The following NECTIN3 variants were observed in gnomAD, a reference collection of about 807,000 sequenced individuals.
The protein encoded by NECTIN3 is nectin cell adhesion molecule 3, also known as nectin-3.
NECTIN3 carries 8 observed loss-of-function variants against 49.4 expected under a neutral mutation model. The observed-to-expected ratio is 0.16, with a 90% CI of 0.10 to 0.29. NECTIN3 has a LOEUF of 0.29. Ranked by LOEUF, NECTIN3 falls within the 10% of genes least tolerant of loss-of-function variation. NECTIN3 has a pLI of 1.00. For synonymous variants in NECTIN3, 277 were observed against 241.1 expected, an observed-to-expected ratio of 1.15 and a Z score of -1.38; for missense variants, 581 against 654.6, an observed-to-expected ratio of 0.89 and a Z score of 1.23.
chr3:111,094,237 G>A (rs1576089513), intron 1 of NECTIN3, among the ~76,000 whole-genome samples: 1 of 151,162 alleles, frequency 6.6e-6, no homozygotes, highest in Admixed American at 6.6e-5. Context: ...TTTATTTTAT[G>A]TCTATTGACT....
At chr3:111,157,960 C>A (rs989767457) in intron 7 of NECTIN3, among the ~76,000 whole-genome samples, 15 of 152,184 alleles carry the variant, frequency 9.9e-5, no homozygotes, top group African/African-American at 3.6e-4. Flanking sequence ...GAGTAACCAA[C>A]ACTATTCTGT....
chr3:111,128,774 C>T (rs969580184), intron 5 of NECTIN3, among the ~76,000 whole-genome samples: 5 of 152,320 alleles, frequency 3.3e-5, no homozygotes, highest in East Asian at 1.9e-4. Context: ...ACTACTACTA[C>T]ACTAGTCTAA....
chr3:111,165,049 T>C (rs2035291054), intron 7 of NECTIN3, among the ~76,000 whole-genome samples: 1 of 152,048 alleles, frequency 6.6e-6, no homozygotes, highest in Non-Finnish European at 1.5e-5. Context: ...ATTTTTTATT[T>C]ATTTATTTAT....
At chr3:111,087,361 GA>G (rs2031991378) in intron 1 of NECTIN3, among the ~76,000 whole-genome samples, 1 of 152,086 alleles carries the variant, frequency 6.6e-6, no homozygotes, top group East Asian at 1.9e-4. Context: ...AAAAAAAATA[GA>G]AGATGCCAGG....
intron 7 of NECTIN3, among the ~76,000 whole-genome samples, chr3:111,155,750 G>A (rs2035084038): frequency 6.6e-6 from 1 of 152,092 alleles, no homozygotes; most frequent in Non-Finnish European, 1.5e-5. Flanking sequence ...TCTATATATG[G>A]ACTTTTGAGA....
chr3:111,157,437 A>C (rs2035119934), intron 7 of NECTIN3, among the ~76,000 whole-genome samples: 1 of 152,102 alleles, frequency 6.6e-6, no homozygotes, highest in Non-Finnish European at 1.5e-5. Flanking sequence ...GAGTTCATTT[A>C]ACATTTCTAT....
chr3:111,146,071 T>C (rs1314012334), intron 6 of NECTIN3, among the ~76,000 whole-genome samples: 2 of 152,212 alleles, frequency 1.3e-5, no homozygotes, highest in African/African-American at 4.8e-5. Flanking sequence ...AAAACAATTA[T>C]TTTAAATAAA....
In NECTIN3 at chr3:111,135,451, A is replaced by T. The variant is rs771982334; in HGVS notation, c.*1236A>T. The T allele has an allele frequency of 3.4e-5, 32 of 941,176 alleles. No individual in the cohort carries two copies. Among genetic ancestry groups the T allele is most frequent in the Non-Finnish European group, 3.9e-5 (31 of 789,958 alleles). The allele number at this position is 941,176 out of a possible 1,614,324, so 58.3% of individuals were successfully genotyped here. On this transcript the variant is annotated 3_prime_UTR_variant, in exon 6 of 6. Coordinates refer to ENST00000485303, the MANE Select transcript of NECTIN3 (RefSeq NM_015480.3). ...CTGAATCATTTATCTTTTGAGAAAG[A>T]AATGTTACCTAAACTTCAAATGTGC...
chr3:111,184,768 T>A (rs2035689841), intron 7 of NECTIN3, among the ~76,000 whole-genome samples: 1 of 152,346 alleles, frequency 6.6e-6, no homozygotes, highest in South Asian at 2.1e-4. Context: ...TATTTCTTAA[T>A]AAGAATTCAG....
chr3:111,193,255 A>G, intron 1 of NECTIN3: 3 of 1,535,126 alleles, frequency 2.0e-6, no homozygotes, highest in Non-Finnish European at 2.6e-6. Context: ...GTTGGGGAAG[A>G]TGGCATTCAG....
rs551948805 is a variant in NECTIN3, at chr3:111,182,181, T to A, written c.1222-10170T>A. On this transcript the variant is annotated intron_variant, in intron 7 of 8. Coordinates refer to the NECTIN3 transcript ENST00000493615. ...TATTTATTTTTCGTTAATTTTTTTA[T>A]GGTTAGAAAATATATCTGTTTCACT... 2.0e-5 allele frequency among the ~76,000 whole-genome samples: 3 copies of A among 152,268 alleles called. No individual in the cohort carries two copies. In the South Asian group the frequency reaches 6.2e-4, roughly 32 times the overall value.
intron 2 of NECTIN3, among the ~76,000 whole-genome samples, chr3:111,117,797 G>A (rs946543001): frequency 6.6e-6 from 1 of 151,998 alleles, no homozygotes; most frequent in Non-Finnish European, 1.5e-5. Context: ...TTACACAGAA[G>A]CACCTAACAA....
Position 111,134,313 on chromosome 3 carries a change from T to C in NECTIN3, c.*98T>C. On this transcript the variant is annotated 3_prime_UTR_variant, in exon 6 of 6. Transcript: ENST00000485303. ...TTTTTCTTGAGGAAGAATAAGCTTT[T>C]TCAAGTTGATTTTCAAGCTTACTTT... 1.4e-6 allele frequency: 2 copies of C among 1,462,896 alleles called. No homozygotes were observed. The highest frequency in any genetic ancestry group is 2.7e-5 in the Admixed American group (1 of 37,510). 90.6% of individuals were successfully genotyped at this position (1,462,896 alleles called of 1,614,324 possible). A position where few individuals can be genotyped will look rare whatever the true frequency, so the allele number is the denominator to read the frequency against.
At chr3:111,159,311 T>A (rs1381174093) in intron 7 of NECTIN3, among the ~76,000 whole-genome samples, 2 of 152,194 alleles carry the variant, frequency 1.3e-5, no homozygotes, top group African/African-American at 4.8e-5. Flanking sequence ...CCCATTATAG[T>A]TCTTGTATAC....
chr3:111,130,640 G>A (rs1005813922), intron 5 of NECTIN3, among the ~76,000 whole-genome samples: 3 of 152,120 alleles, frequency 2.0e-5, no homozygotes, highest in African/African-American at 7.2e-5. Flanking sequence ...AACAGAATAA[G>A]CAACTCTGAG....
chr3:111,119,911 G>T (rs903191873), intron 3 of NECTIN3, among the ~76,000 whole-genome samples: 2 of 152,116 alleles, frequency 1.3e-5, no homozygotes, highest in African/African-American at 4.8e-5. Flanking sequence ...CATGCATGGA[G>T]TTTTAAATTA....
chr3:111,108,137 A>G (rs184531024), intron 1 of NECTIN3, among the ~76,000 whole-genome samples: 249 of 152,310 alleles, frequency 1.6e-3, no homozygotes, highest in African/African-American at 5.6e-3. Context: ...AGAAATTAAA[A>G]TAAAAGATGA....
intron 3 of NECTIN3, among the ~76,000 whole-genome samples, chr3:111,120,370 G>C (rs761261206): frequency 1.3e-5 from 2 of 151,466 alleles, no homozygotes; most frequent in African/African-American, 4.9e-5. Flanking sequence ...TTTTCCTTTT[G>C]TAAATTGGAG....
At chr3:111,094,111 A>C (rs560662019) in intron 1 of NECTIN3, among the ~76,000 whole-genome samples, 1 of 151,876 alleles carries the variant, frequency 6.6e-6, no homozygotes, top group Non-Finnish European at 1.5e-5. Context: ...ATCACTTATA[A>C]TTTTTATTTT....
Sources: gnomAD v4.1 joint callset for allele counts (sites outside exome capture counted in the v4.1 genomes callset) on GRCh38, gnomAD v4.1.1 for gene constraint, MANE v1.5 for transcripts, NCBI Gene and HGNC (gene_info 2026-07-23, HGNC 2026-07-21) for gene names.